MECR: variants seen among roughly 807,000 people sequenced by gnomAD.
MECR encodes enoyl-[acyl-carrier-protein] reductase, mitochondrial.
In MECR, 37 loss-of-function variants were observed where a neutral mutation model predicts 49.1. The observed-to-expected ratio is 0.75, with a 90% CI of 0.58 to 0.99. The LOEUF (loss-of-function observed/expected upper bound fraction) is 0.99, where lower values mean the gene tolerates loss of function less well. Ranked by LOEUF, MECR falls within the 50% of genes least tolerant of loss-of-function variation. The pLI, the probability that MECR is intolerant of heterozygous loss-of-function variation, is 0.00. For missense variants in MECR, 470 were observed against 479.6 expected, an observed-to-expected ratio of 0.98 and a Z score of 0.19; for synonymous variants, 198 against 191.1, an observed-to-expected ratio of 1.04 and a Z score of -0.30.
At chr1:29,200,332 C>G (rs1266006312) in intron 7 of MECR, 184 bp downstream of exon 7, 3 of 517,948 alleles carry the variant, frequency 5.8e-6, no homozygotes, top group African/African-American at 1.9e-5. Context: ...TGGTCATCTG[C>G]AAAGGGGAAG....
chr1:29,178,758 G>C, the MECR span, among the ~76,000 whole-genome samples: 1 of 152,196 alleles, frequency 6.6e-6, no homozygotes, highest in Non-Finnish European at 1.5e-5. Flanking sequence ...ACGTAGCTAA[G>C]TTATGCTTTT....
intron 3 of MECR, among the ~76,000 whole-genome samples, chr1:29,213,137 T>G (rs527780764): frequency 6.6e-6 from 1 of 152,358 alleles, no homozygotes; most frequent in Admixed American, 6.5e-5. Flanking sequence ...TATTAAGTGT[T>G]GTTTTTCCAT....
intron 7 of MECR, among the ~76,000 whole-genome samples, chr1:29,198,821 T>A (rs933787892): frequency 6.6e-6 from 1 of 152,218 alleles, no homozygotes; most frequent in African/African-American, 2.4e-5. Flanking sequence ...TTCACCATGT[T>A]GGCCAGGATG....
At chr1:29,175,593 G>C in the MECR span, among the ~76,000 whole-genome samples, 1 of 146,150 alleles carries the variant, frequency 6.8e-6, no homozygotes, top group East Asian at 2.0e-4. Context: ...TACTTGAGAG[G>C]CTGAGGCAGG....
the MECR span, among the ~76,000 whole-genome samples, chr1:29,187,569 T>G: frequency 6.6e-6 from 1 of 151,524 alleles, no homozygotes; most frequent in African/African-American, 2.4e-5. Flanking sequence ...CGTAATTATC[T>G]CATATCCCAA....
chr1:29,200,059 C>A (rs950705293), intron 7 of MECR, among the ~76,000 whole-genome samples: 4 of 152,164 alleles, frequency 2.6e-5, no homozygotes, highest in Non-Finnish European at 5.9e-5. Context: ...CAGTGCCCAG[C>A]CAACAGGAAA....
rs528654361 is a variant in MECR, at chr1:29,209,208, GAATACTTACC to G, written c.407-2313_407-2304del. Among the ~76,000 whole-genome samples, 86 of 150,488 alleles carry G rather than the reference GAATACTTACC, an allele frequency of 5.7e-4. No homozygotes were observed. In the East Asian group the frequency reaches 0.018, roughly 32 times the overall value. ...GTGTAACACAAGCCTGTGTTTCACA[GAATACTTACC>G]CTTACTATGTGTGATACTCTGCTAT... is the stretch of plus-strand genomic sequence containing the variant. On this transcript the variant is annotated intron_variant, in intron 3 of 9. Coordinates refer to ENST00000263702, the MANE Select transcript of MECR (RefSeq NM_016011.5).
chr1:29,207,723 C>T (rs748844304), intron 3 of MECR, among the ~76,000 whole-genome samples: 1 of 152,010 alleles, frequency 6.6e-6, no homozygotes, highest in Non-Finnish European at 1.5e-5. Context: ...CTCGGTGACA[C>T]AGCAAGAACC....
chr1:29,188,191 A>G (rs1206704415), downstream of MECR, among the ~76,000 whole-genome samples: 2 of 150,174 alleles, frequency 1.3e-5, no homozygotes, highest in Non-Finnish European at 3.0e-5. Context: ...AAGGATTTGG[A>G]GTTTACTTTT....
the MECR span, among the ~76,000 whole-genome samples, chr1:29,186,955 C>G: frequency 6.6e-6 from 1 of 152,106 alleles, no homozygotes; most frequent in Non-Finnish European, 1.5e-5. Context: ...TCTTTTTTCT[C>G]TTTCATAAGG....
chr1:29,212,438 A>G (rs1364808353), intron 3 of MECR, among the ~76,000 whole-genome samples: 1 of 152,184 alleles, frequency 6.6e-6, no homozygotes, highest in African/African-American at 2.4e-5. Context: ...AAACAAAACA[A>G]AAGAATCACC....
chr1:29,229,966 G>A (rs549392012), intron 1 of MECR, among the ~76,000 whole-genome samples: 2 of 152,206 alleles, frequency 1.3e-5, no homozygotes, highest in African/African-American at 4.8e-5. Flanking sequence ...TAAAAGTAAC[G>A]AGAAGTTGAA....
At chr1:29,218,051 T>C (rs1679904027) in intron 1 of MECR, among the ~76,000 whole-genome samples, 1 of 151,798 alleles carries the variant, frequency 6.6e-6, no homozygotes, top group African/African-American at 2.4e-5. Context: ...CAGTGGTGGT[T>C]TGGACCTGAT....
chr1:29,227,986 G>A (rs1431726101), intron 1 of MECR, among the ~76,000 whole-genome samples: 1 of 152,082 alleles, frequency 6.6e-6, no homozygotes, highest in African/African-American at 2.4e-5. Flanking sequence ...AGAGTCACCT[G>A]GAGAGCTTTG....
chr1:29,223,732 G>T (rs1462090445), intron 1 of MECR, among the ~76,000 whole-genome samples: 1 of 152,210 alleles, frequency 6.6e-6, no homozygotes, highest in Non-Finnish European at 1.5e-5. Flanking sequence ...TGCCTGGTGT[G>T]CTAGGTACAT....
At chr1:29,202,080 C>T (rs1675458800) in intron 5 of MECR, 35 bp from the exon 6 acceptor site, 2 of 1,571,138 alleles carry the variant, frequency 1.3e-6, no homozygotes, top group African/African-American at 1.4e-5. Context: ...GTCACATCTG[C>T]CAGCTTTTTC....
intron 4 of MECR, among the ~76,000 whole-genome samples, chr1:29,205,798 C>T (rs748958135): frequency 6.6e-6 from 1 of 152,014 alleles, no homozygotes; most frequent in African/African-American, 2.4e-5. Context: ...GCACTCAAGC[C>T]GGGGCGACAG....
intron 4 of MECR, 126 bp downstream of exon 4, chr1:29,206,636 C>G: frequency 9.4e-7 from 1 of 1,059,802 alleles, no homozygotes. Context: ...AACATTCACC[C>G]AGGTGAGAGG....
rs1172057423 is a variant in MECR, at chr1:29,193,348, CT to C, written c.*673del. 2 of 186,480 alleles carry C rather than the reference CT, an allele frequency of 1.1e-5. No individual in the cohort carries two copies. Among genetic ancestry groups the C allele is most frequent in the Admixed American group, 8.5e-5 (2 of 23,654 alleles). 11.6% of individuals were successfully genotyped at this position (186,480 alleles called of 1,614,324 possible). The stretch of plus-strand genomic sequence containing the variant: ...TGCCAGTAGCAACCTCCTTCATAAG[CT>C]GTGATAGCCAGAAATATCCCCAGAC... On this transcript the variant is annotated 3_prime_UTR_variant, in exon 10 of 10. Transcript: ENST00000263702.
Sources: allele counts gnomAD v4.1 joint callset (sites outside exome capture counted in the v4.1 genomes callset), GRCh38; gene constraint gnomAD v4.1.1; transcripts MANE v1.5; gene names NCBI Gene and HGNC (gene_info 2026-07-23, HGNC 2026-07-21).